Variants in RBFOX1 observed in about 807,000 individuals in gnomAD.
RBFOX1 encodes the protein RNA binding protein fox-1 homolog 1.
RBFOX1 carries 8 observed loss-of-function variants against 57.7 expected under a neutral mutation model. That is an observed-to-expected ratio of 0.14 (90% CI 0.08 to 0.25). RBFOX1 has a LOEUF of 0.25. RBFOX1 is among the 10% of genes least tolerant of loss of function. The pLI is 1.00. For missense variants in RBFOX1, 611 were observed against 548.5 expected, an observed-to-expected ratio of 1.11 and a Z score of -1.14; for synonymous variants, 326 against 222.4, an observed-to-expected ratio of 1.47 and a Z score of -4.15.
chr16:7,206,441 T>C (rs887723149), intron 4 of RBFOX1, among the ~76,000 whole-genome samples: 3 of 150,150 alleles, frequency 2.0e-5, no homozygotes, highest in African/African-American at 7.4e-5. Context: ...ATATGTATTA[T>C]ATTTCCTTAT....
chr16:7,676,698 G>T, intron 13 of RBFOX1, 76 bp from the exon 14 acceptor site: 1 of 1,258,084 alleles, frequency 7.9e-7, no homozygotes, highest in Non-Finnish European at 1.2e-6. Flanking sequence ...CAGCTGCTCT[G>T]GTGTGGTCTT....
In RBFOX1 at chr16:7,671,967, A is replaced by G. The variant is rs17760843; in HGVS notation, c.931-4807A>G. Among the ~76,000 whole-genome samples, 321 of 152,294 alleles carry G rather than the reference A, an allele frequency of 2.1e-3. 1 individual carries two copies. The highest frequency in any genetic ancestry group is 5.8e-3 in the South Asian group (28 of 4,822). On this transcript the variant is annotated intron_variant, in intron 13 of 15. Coordinates refer to ENST00000550418, the MANE Select transcript of RBFOX1 (RefSeq NM_018723.4). Reference sequence around the variant, plus strand: ...TCTGGACTCAATCAGTATAAATCCAATGAAAATAATTCAAGGTTCTAATTG... The same window carrying G: ...TCTGGACTCAATCAGTATAAATCCAGTGAAAATAATTCAAGGTTCTAATTG...
intron 1 of RBFOX1, among the ~76,000 whole-genome samples, chr16:6,191,446 C>T (rs1023904907): frequency 6.6e-6 from 1 of 152,102 alleles, no homozygotes; most frequent in Non-Finnish European, 1.5e-5. Context: ...TCACATGGTA[C>T]TGTGCAACAG....
chr16:6,660,451 A>G (rs911072991), intron 3 of RBFOX1, among the ~76,000 whole-genome samples: 2 of 152,080 alleles, frequency 1.3e-5, no homozygotes, highest in Non-Finnish European at 2.9e-5. Context: ...GCTCAGACAA[A>G]TTAAGTCACT....
intron 1 of RBFOX1, among the ~76,000 whole-genome samples, chr16:6,109,385 A>T (rs905165628): frequency 6.6e-6 from 1 of 152,188 alleles, no homozygotes; most frequent in African/African-American, 2.4e-5. Context: ...TTGGAAAGAC[A>T]TGGGTCTCCT....
rs560153522 is a variant in RBFOX1 at position 6,560,040 on chromosome 16, A to G, written c.-63-94563A>G. 3.9e-5 allele frequency among the ~76,000 whole-genome samples: 6 copies of G among 152,278 alleles called. No homozygotes were observed. In the East Asian group the frequency reaches 9.7e-4, roughly 25 times the overall value. On this transcript the variant is annotated intron_variant, in intron 2 of 15. Coordinates refer to ENST00000550418, the MANE Select transcript of RBFOX1 (RefSeq NM_018723.4). ...GTAAAAATCACTTACTACCTATGCTAAAATCATCCACACTTTCCCATTTCC... is the reference window on the plus strand; with the variant it reads ...GTAAAAATCACTTACTACCTATGCTGAAATCATCCACACTTTCCCATTTCC...
intron 3 of RBFOX1, among the ~76,000 whole-genome samples, chr16:5,864,273 A>G (rs996454598): frequency 6.6e-6 from 1 of 152,232 alleles, no homozygotes; most frequent in South Asian, 2.1e-4. Context: ...GTCTCTTGTT[A>G]ACGCTAAAGT....
Position 6,131,727 on chromosome 16 carries a change from C to G in RBFOX1, c.-127+111735C>G, listed in dbSNP as rs190779806. Among the ~76,000 whole-genome samples the G allele has an allele frequency of 3.9e-5, 6 of 152,330 alleles. No homozygotes were observed. The East Asian group carries it at 1.2e-3, about 29-fold the overall frequency. On this transcript the variant is annotated intron_variant, in intron 1 of 15. Transcript: ENST00000550418. Reference sequence around the variant, plus strand: ...CTGGAGTTATAAAAGCCCATTTCCTCCCCACTGGCCTTCCTTGGAAAGTGA... The same window carrying G: ...CTGGAGTTATAAAAGCCCATTTCCTGCCCACTGGCCTTCCTTGGAAAGTGA...
At chr16:7,591,311 C>G (rs1567987124) in intron 7 of RBFOX1, among the ~76,000 whole-genome samples, 1 of 152,116 alleles carries the variant, frequency 6.6e-6, no homozygotes, top group Non-Finnish European at 1.5e-5. Flanking sequence ...AATATGAATT[C>G]TCTGCACCAG....
rs559622850 is a variant in RBFOX1 at position 6,530,564 on chromosome 16, C to G, written c.-63-124039C>G. ...CTCCTTGTATTAGTCTATTTTCACG[C>G]TGCTGATAAAGACATACCTGAAACT... is the stretch of plus-strand genomic sequence containing the variant. On this transcript the variant is annotated intron_variant, in intron 2 of 15. Coordinates refer to ENST00000550418, the MANE Select transcript of RBFOX1 (RefSeq NM_018723.4). Among the ~76,000 whole-genome samples the G allele has an allele frequency of 2.4e-4, 36 of 152,242 alleles. No individual in the cohort carries two copies. In the East Asian group the frequency reaches 6.9e-3, roughly 29 times the overall value.
chr16:5,335,692 A>G (rs1293524011), intron 1 of RBFOX1, among the ~76,000 whole-genome samples: 1 of 152,060 alleles, frequency 6.6e-6, no homozygotes, highest in Non-Finnish European at 1.5e-5. Context: ...GGTGGGAAGG[A>G]TTTCTCCCAG....
intron 4 of RBFOX1, among the ~76,000 whole-genome samples, chr16:5,972,259 GA>G (rs1818768575): frequency 6.6e-6 from 1 of 152,054 alleles, no homozygotes; most frequent in Non-Finnish European, 1.5e-5. Flanking sequence ...GGAGAACCCT[GA>G]CTAATACAGT....
intron 2 of RBFOX1, among the ~76,000 whole-genome samples, chr16:5,479,131 T>G (rs879901478): frequency 6.6e-6 from 1 of 152,170 alleles, no homozygotes; most frequent in Non-Finnish European, 1.5e-5. Flanking sequence ...GCGGTCACAG[T>G]TTAAATGTCG....
chr16:6,943,983 G>C (rs138861512), intron 3 of RBFOX1, among the ~76,000 whole-genome samples: 1 of 152,064 alleles, frequency 6.6e-6, no homozygotes, highest in African/African-American at 2.4e-5. Flanking sequence ...CCCAACTCAC[G>C]AACTGTTCAT....
At chr16:7,317,973 G>A (rs891376131) in intron 4 of RBFOX1, among the ~76,000 whole-genome samples, 1 of 152,130 alleles carries the variant, frequency 6.6e-6, no homozygotes, top group Non-Finnish European at 1.5e-5. Context: ...TGGTGGTGAT[G>A]GTGGTGGTGA....
At chr16:6,993,956 A>G (rs1004916175) in intron 3 of RBFOX1, among the ~76,000 whole-genome samples, 7 of 152,196 alleles carry the variant, frequency 4.6e-5, no homozygotes, top group African/African-American at 1.7e-4. Context: ...GCAAGGCAGA[A>G]AGATTATGCA....
chr16:7,526,559 A>C (rs1015313507), intron 5 of RBFOX1, among the ~76,000 whole-genome samples: 2 of 152,206 alleles, frequency 1.3e-5, no homozygotes, highest in African/African-American at 2.4e-5. Context: ...AGAACAACAG[A>C]GTTCTTTTCC....
At chr16:7,466,347 C>T (rs1456409281) in intron 4 of RBFOX1, among the ~76,000 whole-genome samples, 1 of 142,008 alleles carries the variant, frequency 7.0e-6, no homozygotes, top group Non-Finnish European at 1.5e-5. Flanking sequence ...ATGCTTATTT[C>T]ATGCCAAGCT....
chr16:5,634,185 C>T lies in RBFOX1; in HGVS notation c.318+35224C>T, dbSNP rs76147996. The stretch of plus-strand genomic sequence containing the variant: ...TTGTGTACATCAGTTGGCAAATTAA[C>T]ATTTTGGGTATTGCAAATTTGATAT... On this transcript the variant is annotated intron_variant, in intron 3 of 19. Transcript: ENST00000641259. Among the ~76,000 whole-genome samples, 1,058 of 152,300 alleles carry T rather than the reference C, an allele frequency of 6.9e-3. 21 individuals are homozygous for T. Among genetic ancestry groups the T allele is most frequent in the African/African-American group, 0.025 (1,028 of 41,574 alleles).
Sources: allele counts gnomAD v4.1 joint callset (sites outside exome capture counted in the v4.1 genomes callset), GRCh38; gene constraint gnomAD v4.1.1; transcripts MANE v1.5; gene names NCBI Gene and HGNC (gene_info 2026-07-23, HGNC 2026-07-21).